Variants in H2BW2 observed in about 807,000 individuals in gnomAD.
The protein encoded by H2BW2 is histone H2B type F-M.
A neutral mutation model predicts 9.2 loss-of-function variants in H2BW2; 8 were observed. The observed-to-expected ratio is 0.87, with a 90% CI of 0.51 to 1.57. H2BW2 has a LOEUF of 1.57. Ranked by LOEUF, H2BW2 falls within the 40% of genes most tolerant of loss-of-function variation. The probability of loss-of-function intolerance (pLI) is 0.00; values close to 1 mark genes in which losing one functional copy is unlikely to be tolerated. For synonymous variants in H2BW2, 80 were observed against 56.8 expected (o/e 1.41, Z -1.84); for missense variants, 193 against 137.3 (o/e 1.41, Z -2.03).
In H2BW2 at chrX:104,040,049, C is replaced by A. The variant is rs1556343586; in HGVS notation, c.55C>A (p.Pro19Thr). 3.4e-6 allele frequency: 4 copies of A among 1,164,303 alleles called. No homozygotes were observed. The highest frequency in any genetic ancestry group is 1.1e-6 in the Non-Finnish European group (1 of 872,036). Reference protein sequence around the residue: ...TSEEGQSIQEPKEANSTKAQK... With the variant: ...TSEEGQSIQETKEANSTKAQK... ...GGAGGAAGGCCAGAGCATCCAGGAG[C>A]CCAAAGAGGCCAACTCCACGAAGGC... is the stretch of plus-strand genomic sequence containing the variant. The change falls in exon 1 of 4, where the codon CCC becomes ACC. Residue 19 changes from proline to threonine, a missense_variant. Physicochemically the swap from Pro to Thr is conservative, Grantham distance 38. Transcript: ENST00000675318.
chrX:104,040,468 A>G (rs1385411640), intron 1 of H2BW2, 64 bp downstream of exon 1: 13 of 1,001,348 alleles, frequency 1.3e-5, no homozygotes, highest in South Asian at 4.9e-5. Context: ...CAAAGGCTCT[A>G]TTCAGAACCA....
At chrX:104,041,637 T>G (rs1488693752) in intron 3 of H2BW2, 1 of 111,746 alleles carries the variant, frequency 8.9e-6, no homozygotes, top group Non-Finnish European at 1.9e-5. Flanking sequence ...CGCCCGAGTA[T>G]GTGGACAAGA....
chrX:104,040,915 C>A, intron 2 of H2BW2, 29 bp downstream of exon 2: 2 of 1,188,043 alleles, frequency 1.7e-6, no homozygotes, highest in Non-Finnish European at 2.3e-6. Flanking sequence ...TTCAGCATCT[C>A]TCTCATCATG....
Sources: gnomAD v4.1 joint callset for allele counts on GRCh38, gnomAD v4.1.1 for gene constraint, MANE v1.5 for transcripts, NCBI Gene and HGNC (gene_info 2026-07-23, HGNC 2026-07-21) for gene names.